Variants in PPP1R1C observed in about 807,000 individuals in gnomAD.
PPP1R1C encodes the protein protein phosphatase 1 regulatory subunit 1C.
A neutral mutation model predicts 17.4 loss-of-function variants in PPP1R1C; 15 were observed. The observed-to-expected ratio is 0.86, with a 90% CI of 0.58 to 1.33. PPP1R1C has a LOEUF of 1.33. Among genes scored for constraint, PPP1R1C ranks in the 40% most tolerant of loss-of-function variants. The pLI is 0.00. For missense variants in PPP1R1C, 143 were observed against 130.0 expected (o/e 1.10, Z -0.48); for synonymous variants, 35 against 43.1 (o/e 0.81, Z 0.73).
chr2:182,080,340 T>A (rs993518082), intron 4 of PPP1R1C, among the ~76,000 whole-genome samples: 1 of 152,208 alleles, frequency 6.6e-6, no homozygotes, highest in African/African-American at 2.4e-5. Context: ...GTAAATGGTA[T>A]CACTATCCCC....
intron 2 of PPP1R1C, among the ~76,000 whole-genome samples, chr2:182,043,530 T>C (rs192733960): frequency 2.8e-4 from 43 of 150,988 alleles, no homozygotes; most frequent in Admixed American, 2.8e-3. Flanking sequence ...AGACATGGTA[T>C]GATACAAATG....
chr2:181,996,083 G>T (rs1035486864), intron 2 of PPP1R1C, among the ~76,000 whole-genome samples: 1 of 152,144 alleles, frequency 6.6e-6, no homozygotes, highest in African/African-American at 2.4e-5. Context: ...ACTATAACAG[G>T]TTGGAACACC....
chr2:181,957,095 C>T lies in PPP1R1C; in HGVS notation n.111+2461C>T, dbSNP rs1335840266. On this transcript the variant is annotated intron_variant and non_coding_transcript_variant, in intron 1 of 5. Coordinates refer to the PPP1R1C transcript ENST00000464264. The surrounding 1 kb of genome is among the most constrained non-coding windows in gnomAD (Gnocchi z 4.2). Reference sequence around the variant, plus strand: ...CTAACTCAGGCCAGGTGCAGTGGTTCACGCCTGTAATCTCACCACTTTGGG... The same window carrying T: ...CTAACTCAGGCCAGGTGCAGTGGTTTACGCCTGTAATCTCACCACTTTGGG... 2.6e-5 allele frequency among the ~76,000 whole-genome samples: 4 copies of T among 152,140 alleles called. No homozygotes were observed. Among genetic ancestry groups the T allele is most frequent in the African/African-American group, 7.2e-5 (3 of 41,418 alleles).
intron 2 of PPP1R1C, among the ~76,000 whole-genome samples, chr2:182,047,359 A>C (rs548438993): frequency 3.3e-5 from 5 of 152,350 alleles, no homozygotes; most frequent in Admixed American, 3.3e-4. Context: ...TGCACATTGA[A>C]TAATTACATC....
chr2:181,981,395 G>C (rs566086947), upstream of PPP1R1C, among the ~76,000 whole-genome samples: 7 of 152,236 alleles, frequency 4.6e-5, no homozygotes, highest in African/African-American at 1.7e-4. Flanking sequence ...GTCTGGTAAG[G>C]CTTCTTATAG....
intron 2 of PPP1R1C, among the ~76,000 whole-genome samples, chr2:182,014,963 T>C (rs1686214045): frequency 6.6e-6 from 1 of 151,956 alleles, no homozygotes; most frequent in Admixed American, 6.6e-5. Context: ...CCCATCTTGC[T>C]CAGGGCGGGT....
At chr2:182,070,926 G>C (rs150720023) in intron 4 of PPP1R1C, among the ~76,000 whole-genome samples, 1 of 152,036 alleles carries the variant, frequency 6.6e-6, no homozygotes, top group South Asian at 2.1e-4. Flanking sequence ...TAAACAACCA[G>C]ATCTCACAAT....
intron 2 of PPP1R1C, among the ~76,000 whole-genome samples, chr2:182,004,746 G>A (rs1457267507): frequency 6.6e-6 from 1 of 152,198 alleles, no homozygotes; most frequent in African/African-American, 2.4e-5. Context: ...GGGCTCACAT[G>A]CTCATTTTTT....
upstream of PPP1R1C, among the ~76,000 whole-genome samples, chr2:181,981,171 G>A (rs1159498169): frequency 6.6e-5 from 10 of 151,858 alleles, no homozygotes; most frequent in African/African-American, 1.2e-4. Flanking sequence ...CTCGTGATCC[G>A]CCCGCCTCGG....
At chr2:182,073,250 A>T (rs191246893) in intron 4 of PPP1R1C, among the ~76,000 whole-genome samples, 4 of 152,342 alleles carry the variant, frequency 2.6e-5, no homozygotes, top group African/African-American at 7.2e-5. Context: ...TAGACTGCGG[A>T]GCCCTTGAGG....
chr2:182,075,756 C>G (rs1024160653), intron 4 of PPP1R1C, among the ~76,000 whole-genome samples: 2 of 152,200 alleles, frequency 1.3e-5, no homozygotes, highest in African/African-American at 4.8e-5. Context: ...ATGCACTACT[C>G]TATGTCCATT....
At chr2:182,048,200 A>G (rs1687399619) in intron 2 of PPP1R1C, among the ~76,000 whole-genome samples, 2 of 152,182 alleles carry the variant, frequency 1.3e-5, no homozygotes, top group South Asian at 4.1e-4. Flanking sequence ...TTTCCAGTGC[A>G]TATAACTTTA....
chr2:182,019,511 C>G (rs1365811148), intron 2 of PPP1R1C, among the ~76,000 whole-genome samples: 4 of 152,112 alleles, frequency 2.6e-5, no homozygotes. Context: ...GCTGTTTGTT[C>G]AAAAATGATT....
At chr2:182,033,173 T>C (rs2125172754) in intron 2 of PPP1R1C, among the ~76,000 whole-genome samples, 1 of 152,342 alleles carries the variant, frequency 6.6e-6, no homozygotes, top group South Asian at 2.1e-4. Flanking sequence ...CTGATTTTTG[T>C]GATGTCCTCC....
At chr2:182,092,346 C>A (rs553042047) in intron 4 of PPP1R1C, among the ~76,000 whole-genome samples, 1 of 152,108 alleles carries the variant, frequency 6.6e-6, no homozygotes, top group African/African-American at 2.4e-5. Context: ...CATCTCCCAC[C>A]GGGTCTCTCC....
At chr2:182,074,769 A>T (rs546203998) in intron 4 of PPP1R1C, among the ~76,000 whole-genome samples, 1 of 152,136 alleles carries the variant, frequency 6.6e-6, no homozygotes, top group Non-Finnish European at 1.5e-5. Flanking sequence ...AAAATACCCA[A>T]CACCTCAGTT....
intron 2 of PPP1R1C, among the ~76,000 whole-genome samples, chr2:182,059,529 GT>G (rs1374558725): frequency 6.6e-6 from 1 of 151,938 alleles, no homozygotes; most frequent in Non-Finnish European, 1.5e-5. Flanking sequence ...ACATTTTGAT[GT>G]TTTTGTTTAA....
intron 2 of PPP1R1C, 30 bp from the exon 3 acceptor site, chr2:182,061,412 C>G: frequency 1.5e-6 from 2 of 1,358,588 alleles, no homozygotes; most frequent in Non-Finnish European, 2.0e-6. Flanking sequence ...ATATTACATG[C>G]CTAATACATT....
chr2:182,045,277 T>G (rs1687309365), intron 2 of PPP1R1C, among the ~76,000 whole-genome samples: 1 of 152,214 alleles, frequency 6.6e-6, no homozygotes, highest in African/African-American at 2.4e-5. Flanking sequence ...AATAAAGCAT[T>G]GCTTTTTTTG....
Sources: gnomAD v4.1 joint callset for allele counts (sites outside exome capture counted in the v4.1 genomes callset) on GRCh38, gnomAD v4.1.1 for gene constraint, Gnocchi (gnomAD v3.1) non-coding constraint, MANE v1.5 for transcripts, NCBI Gene and HGNC (gene_info 2026-07-23, HGNC 2026-07-21) for gene names.